SEC11C: variants seen among roughly 807,000 people sequenced by gnomAD.
SEC11C encodes the protein SEC11 homolog C, signal peptidase complex subunit.
In SEC11C, 10 loss-of-function variants were observed where a neutral mutation model predicts 21.9. The ratio of observed to expected loss-of-function variants is 0.46; its 90% CI spans 0.28 to 0.77. SEC11C has a LOEUF of 0.77. Ranked by LOEUF, SEC11C falls within the 30% of genes least tolerant of loss-of-function variation. The probability of loss-of-function intolerance (pLI) is 0.12; values close to 1 mark genes in which losing one functional copy is unlikely to be tolerated. For missense variants in SEC11C, 145 were observed against 244.5 expected (o/e 0.59, Z 2.71); for synonymous variants, 83 against 85.6 (o/e 0.97, Z 0.17).
chr18:59,155,711 T>C lies in SEC11C; in HGVS notation c.371T>C (p.Leu124Pro), dbSNP rs2069410668. The C allele has an allele frequency of 6.2e-7, 1 of 1,613,522 alleles. No individual in the cohort carries two copies. Among genetic ancestry groups the C allele is most frequent in the African/African-American group, 1.3e-5 (1 of 74,898 alleles). ...HEKDNGDIKF[L>P]TKGDNNEVDD... ...AGAGATAATGGAGACATCAAATTTC[T>C]GACTAAAGGAGATAATAATGAAGTT... is the stretch of plus-strand genomic sequence containing the variant. The change falls in exon 4 of 6, where the codon CTG (leucine) becomes CCG (proline). Residue 124 changes from leucine (L) to proline (P), a missense_variant. By Grantham distance (98) the Leu-to-Pro change is moderately conservative. Coordinates refer to ENST00000587834, the MANE Select transcript of SEC11C (RefSeq NM_033280.4).
At chr18:59,158,059 TA>T (rs1436828237) in intron 5 of SEC11C, among the ~76,000 whole-genome samples, 1 of 151,912 alleles carries the variant, frequency 6.6e-6, no homozygotes, top group East Asian at 1.9e-4. Context: ...CATATGTGTA[TA>T]TATATATATT....
chr18:59,146,185 C>T (rs1224937095), intron 1 of SEC11C, among the ~76,000 whole-genome samples: 1 of 152,072 alleles, frequency 6.6e-6, no homozygotes. Context: ...AATAGAGAGA[C>T]CTGGACAAAC....
intron 2 of SEC11C, among the ~76,000 whole-genome samples, chr18:59,151,944 C>T (rs1289327125): frequency 6.6e-6 from 1 of 152,180 alleles, no homozygotes; most frequent in African/African-American, 2.4e-5. Flanking sequence ...TTATTGACTT[C>T]CACAATAACC....
intron 2 of SEC11C, among the ~76,000 whole-genome samples, chr18:59,152,170 C>T (rs2069362250): frequency 6.6e-6 from 1 of 150,596 alleles, no homozygotes; most frequent in African/African-American, 2.5e-5. Flanking sequence ...AGGGATTGCC[C>T]TAGATGATTA....
At chr18:59,157,081 T>C (rs1340472939) in intron 4 of SEC11C, 1 of 152,932 alleles carries the variant, frequency 6.5e-6, no homozygotes, top group Admixed American at 6.5e-5. Flanking sequence ...GTTTATGCAC[T>C]GAACCTCCTT....
intron 1 of SEC11C, among the ~76,000 whole-genome samples, chr18:59,142,689 T>C (rs967842501): frequency 6.6e-6 from 1 of 152,226 alleles, no homozygotes. Context: ...GGCTCACTTC[T>C]TTGCATTCTT....
Position 59,155,570 on chromosome 18 carries a change from T to C in SEC11C, c.348-118T>C, listed in dbSNP as rs541049622. On this transcript the variant is annotated intron_variant, in intron 3 of 5. Coordinates refer to ENST00000587834, the MANE Select transcript of SEC11C (RefSeq NM_033280.4). ...CTTAGACTAAAGGAAGGTCAGGTTA[T>C]CTTTGACTGTTTTTCTAAATGCTCC... 7 of 1,043,840 alleles carry C rather than the reference T, an allele frequency of 6.7e-6. 1 individual carries two copies. In the South Asian group the frequency reaches 1.1e-4, roughly 17 times the overall value. 64.7% of individuals were successfully genotyped at this position (1,043,840 alleles called of 1,614,324 possible). A position where few individuals can be genotyped will look rare whatever the true frequency, so the allele number is the denominator to read the frequency against.
chr18:59,150,306 C>T (rs17779054), intron 2 of SEC11C, among the ~76,000 whole-genome samples: 3,684 of 152,264 alleles, frequency 0.024, 224 homozygotes, highest in East Asian at 0.21. Flanking sequence ...GGCAGTAACT[C>T]GGGCGGAGTC....
intron 2 of SEC11C, 24 bp downstream of exon 2, chr18:59,149,646 A>G: frequency 2.0e-6 from 3 of 1,507,628 alleles, no homozygotes; most frequent in Non-Finnish European, 2.8e-6. Context: ...GCTGGCCTCC[A>G]GCCTCCAACC....
chr18:59,146,646 A>G (rs967089267), intron 1 of SEC11C, among the ~76,000 whole-genome samples: 2 of 152,150 alleles, frequency 1.3e-5, no homozygotes, highest in Non-Finnish European at 2.9e-5. Context: ...GTGACTGACT[A>G]TGTAGGTTGA....
intron 1 of SEC11C, among the ~76,000 whole-genome samples, chr18:59,149,161 A>G (rs746709908): frequency 7.9e-5 from 12 of 152,130 alleles, no homozygotes; most frequent in Non-Finnish European, 1.5e-4. Context: ...TGTGTCTGGG[A>G]CTGGTCTGCA....
chr18:59,150,694 T>C (rs985815787), intron 2 of SEC11C, among the ~76,000 whole-genome samples: 1 of 152,170 alleles, frequency 6.6e-6, no homozygotes, highest in African/African-American at 2.4e-5. Context: ...ATGTCTTTTA[T>C]GTGGTTATAC....
chr18:59,145,201 GCAC>G (rs2069257430), intron 1 of SEC11C, among the ~76,000 whole-genome samples: 2 of 152,334 alleles, frequency 1.3e-5, no homozygotes, highest in Admixed American at 6.5e-5. Context: ...AAACCCCATT[GCAC>G]CACCTGTTTT....
chr18:59,142,156 CTTAAAG>C (rs2069218952), intron 1 of SEC11C, among the ~76,000 whole-genome samples: 1 of 152,054 alleles, frequency 6.6e-6, no homozygotes, highest in East Asian at 1.9e-4. Context: ...TCGTAGGTTT[CTTAAAG>C]TTAAGGTGTT....
chr18:59,152,515 T>C, intron 2 of SEC11C, 21 bp from the exon 3 acceptor site: 2 of 1,586,510 alleles, frequency 1.3e-6, no homozygotes, highest in South Asian at 2.3e-5. Flanking sequence ...ATGCTGATAC[T>C]GACTTTGTGC....
intron 3 of SEC11C, among the ~76,000 whole-genome samples, chr18:59,154,400 G>A (rs1290569532): frequency 1.3e-5 from 2 of 152,120 alleles, no homozygotes; most frequent in Admixed American, 6.5e-5. Context: ...CATTATAATA[G>A]TGCATTCTTT....
chr18:59,149,469 T>G (rs768428619), intron 1 of SEC11C, 44 bp from the exon 2 acceptor site: 1 of 1,303,624 alleles, frequency 7.7e-7, no homozygotes. Context: ...TTGGTGGATC[T>G]TCTGCTATTG....
At chr18:59,153,158 G>T (rs1472450328) in intron 3 of SEC11C, 1 of 152,460 alleles carries the variant, frequency 6.6e-6, no homozygotes, top group Non-Finnish European at 1.5e-5. Context: ...CTCATCTCAT[G>T]ATTTGGCCGT....
chr18:59,141,728 G>C (rs556238350), intron 1 of SEC11C, among the ~76,000 whole-genome samples: 2 of 149,662 alleles, frequency 1.3e-5, no homozygotes, highest in South Asian at 4.2e-4. Context: ...AGGCCTGCAT[G>C]CTCCACCAGT....
Sources: gnomAD v4.1 joint callset for allele counts (sites outside exome capture counted in the v4.1 genomes callset) on GRCh38, gnomAD v4.1.1 for gene constraint, MANE v1.5 for transcripts, NCBI Gene and HGNC (gene_info 2026-07-23, HGNC 2026-07-21) for gene names.